Variants in MRPL3 observed in about 807,000 individuals in gnomAD.
MRPL3 encodes the protein mitochondrial ribosomal protein L3.
MRPL3 carries 43 observed loss-of-function variants against 44.3 expected under a neutral mutation model. That is an observed-to-expected ratio of 0.97 (90% CI 0.76 to 1.25). MRPL3 has a LOEUF of 1.25. Ranked by LOEUF, MRPL3 falls within the 50% of genes most tolerant of loss-of-function variation. The pLI, the probability that MRPL3 is intolerant of heterozygous loss-of-function variation, is 0.00. For missense variants in MRPL3, 406 were observed against 427.6 expected (o/e 0.95, Z 0.45); for synonymous variants, 171 against 152.3 (o/e 1.12, Z -0.91).
chr3:131,501,814 G>A, intron 1 of MRPL3, 99 bp from the exon 2 acceptor site: 1 of 1,597,438 alleles, frequency 6.3e-7, no homozygotes, highest in Non-Finnish European at 8.5e-7. Context: ...TGTAGTCAGG[G>A]CCTTGGGAAA....
chr3:131,485,671 G>A (rs528724193), intron 6 of MRPL3, among the ~76,000 whole-genome samples: 1 of 152,080 alleles, frequency 6.6e-6, no homozygotes, highest in East Asian at 1.9e-4. Flanking sequence ...AGGGGGACAG[G>A]TTTACAATCT....
chr3:131,478,138 T>C (rs1933896929), intron 6 of MRPL3, among the ~76,000 whole-genome samples: 2 of 152,216 alleles, frequency 1.3e-5, no homozygotes, highest in African/African-American at 2.4e-5. Flanking sequence ...GAGAACATAA[T>C]GTCTGCAAAC....
At chr3:131,472,950 C>T (rs1933772231) in intron 6 of MRPL3, among the ~76,000 whole-genome samples, 1 of 152,056 alleles carries the variant, frequency 6.6e-6, no homozygotes, top group East Asian at 1.9e-4. Context: ...ATCTGCTGTT[C>T]ATGAACTGGA....
chr3:131,481,047 A>G (rs899466484), intron 6 of MRPL3, among the ~76,000 whole-genome samples: 3 of 152,248 alleles, frequency 2.0e-5, no homozygotes, highest in South Asian at 4.1e-4. Flanking sequence ...GTGCCTCTCA[A>G]GAAACAGATT....
At chr3:131,498,346 T>C in intron 3 of MRPL3, 69 bp from the exon 4 acceptor site, 4 of 978,592 alleles carry the variant, frequency 4.1e-6, no homozygotes, top group Admixed American at 2.1e-5. Flanking sequence ...ACCAGCCCCA[T>C]TGAGACCTTA....
intron 8 of MRPL3, 150 bp from the exon 9 acceptor site, chr3:131,468,318 C>T (rs1365726195): frequency 6.0e-6 from 3 of 499,630 alleles, no homozygotes; most frequent in Non-Finnish European, 3.6e-6. Context: ...ACTTCAAGTC[C>T]TATGGATGAC....
intron 8 of MRPL3, among the ~76,000 whole-genome samples, chr3:131,469,234 GCACA>G (rs145773394): frequency 2.9e-4 from 39 of 136,004 alleles, no homozygotes; most frequent in African/African-American, 4.4e-4. Flanking sequence ...ACACACACAC[GCACA>G]CACACACACA....
intron 4 of MRPL3, among the ~76,000 whole-genome samples, chr3:131,496,444 T>C (rs1934372757): frequency 6.6e-6 from 1 of 152,244 alleles, no homozygotes; most frequent in South Asian, 2.1e-4. Context: ...CTAACTTCTC[T>C]AACACGAAAC....
At chr3:131,497,423 G>A (rs142790595) in intron 4 of MRPL3, among the ~76,000 whole-genome samples, 15 of 152,332 alleles carry the variant, frequency 9.8e-5, no homozygotes, top group African/African-American at 2.6e-4. Context: ...GACAGTCAGA[G>A]AGTATGGGTT....
chr3:131,485,357 C>G (rs1010227363), intron 6 of MRPL3, among the ~76,000 whole-genome samples: 12 of 152,142 alleles, frequency 7.9e-5, no homozygotes, highest in African/African-American at 2.9e-4. Context: ...TCTGACTTTG[C>G]GTGGTTTCTT....
At chr3:131,469,666 T>C in intron 8 of MRPL3, 30 bp downstream of exon 8, 1 of 1,496,710 alleles carries the variant, frequency 6.7e-7, no homozygotes, top group Non-Finnish European at 9.3e-7. Flanking sequence ...AATTTAGCTG[T>C]TCCTAAAAAG....
At chr3:131,479,562 G>A (rs185206352) in intron 6 of MRPL3, among the ~76,000 whole-genome samples, 18 of 152,100 alleles carry the variant, frequency 1.2e-4, no homozygotes, top group East Asian at 3.9e-4. Flanking sequence ...AGATGAAATC[G>A]GGCCGGGCAT....
intron 9 of MRPL3, among the ~76,000 whole-genome samples, chr3:131,466,698 G>A (rs1372226879): frequency 1.4e-5 from 2 of 147,256 alleles, no homozygotes; most frequent in Admixed American, 6.9e-5. Context: ...TTTGGGGGGG[G>A]GTGGGGGCAG....
intron 6 of MRPL3, among the ~76,000 whole-genome samples, chr3:131,472,965 C>G (rs9861016): frequency 0.065 from 9,921 of 152,092 alleles, 384 homozygotes; most frequent in African/African-American, 0.088. Context: ...ACTGGAAGAA[C>G]TGCTAAAACG....
chr3:131,463,249 A>T (rs1249969858), intron 9 of MRPL3, among the ~76,000 whole-genome samples: 3 of 152,118 alleles, frequency 2.0e-5, no homozygotes, highest in Non-Finnish European at 4.4e-5. Context: ...TGTTAGTCTT[A>T]ACTCTAAGAG....
intron 3 of MRPL3, among the ~76,000 whole-genome samples, chr3:131,499,412 G>T (rs1348447303): frequency 2.6e-5 from 4 of 152,110 alleles, no homozygotes; most frequent in Non-Finnish European, 4.4e-5. Context: ...TCTTAATTTT[G>T]CCACATAATG....
chr3:131,489,053 A>C (rs1421699279), intron 5 of MRPL3, among the ~76,000 whole-genome samples: 1 of 152,122 alleles, frequency 6.6e-6, no homozygotes, highest in East Asian at 1.9e-4. Context: ...TCTTTATCAT[A>C]AACATAAACA....
intron 6 of MRPL3, among the ~76,000 whole-genome samples, chr3:131,479,487 T>A (rs1933927501): frequency 6.6e-6 from 1 of 152,152 alleles, no homozygotes; most frequent in Admixed American, 6.5e-5. Context: ...AAATGGAGAT[T>A]CACCTGGGTT....
At chr3:131,501,399 CAATA>C (rs1934494267) in intron 2 of MRPL3, 128 bp downstream of exon 2, 3 of 830,236 alleles carry the variant, frequency 3.6e-6, no homozygotes, top group Non-Finnish European at 5.7e-6. Context: ...AAACAAACCA[CAATA>C]AAACACACGC....
Sources: gnomAD v4.1 joint callset for allele counts (sites outside exome capture counted in the v4.1 genomes callset) on GRCh38, gnomAD v4.1.1 for gene constraint, MANE v1.5 for transcripts, NCBI Gene and HGNC (gene_info 2026-07-23, HGNC 2026-07-21) for gene names.